The following MACROD2 variants were observed in gnomAD, a reference collection of about 807,000 sequenced individuals.
MACROD2 encodes ADP-ribose glycohydrolase MACROD2.
A neutral mutation model predicts 70.4 loss-of-function variants in MACROD2; 36 were observed. The observed-to-expected ratio is 0.51, with a 90% CI of 0.39 to 0.68. The LOEUF (loss-of-function observed/expected upper bound fraction) is 0.68, where lower values mean the gene tolerates loss of function less well. Among genes scored for constraint, MACROD2 ranks in the 30% least tolerant of loss-of-function variants. The pLI is 0.00. For missense variants in MACROD2, 496 were observed against 538.4 expected (o/e 0.92, Z 0.78); for synonymous variants, 172 against 178.8 (o/e 0.96, Z 0.30).
chr20:15,688,401 G>A (rs1172972048), intron 8 of MACROD2, among the ~76,000 whole-genome samples: 4 of 152,188 alleles, frequency 2.6e-5, no homozygotes, highest in African/African-American at 9.6e-5. Context: ...TATTGGAAAT[G>A]GGTCTTGAAG....
chr20:15,744,923 C>CT (rs1448081864), intron 8 of MACROD2, among the ~76,000 whole-genome samples: 2 of 147,096 alleles, frequency 1.4e-5, no homozygotes, highest in African/African-American at 5.2e-5. Flanking sequence ...AGTTGTATCT[C>CT]TTTTTGAAGT....
intron 8 of MACROD2, among the ~76,000 whole-genome samples, chr20:15,759,860 A>G (rs1056731264): frequency 2.6e-5 from 4 of 152,232 alleles, no homozygotes; most frequent in Non-Finnish European, 5.9e-5. Flanking sequence ...GGAGTTTTCT[A>G]TTACAGAACT....
chr20:14,129,324 C>T (rs367920002), intron 3 of MACROD2, among the ~76,000 whole-genome samples: 6 of 152,182 alleles, frequency 3.9e-5, no homozygotes, highest in South Asian at 2.1e-4. Context: ...TAGCAGATAT[C>T]GTGGAAATAG....
intron 4 of MACROD2, among the ~76,000 whole-genome samples, chr20:14,574,813 C>T (rs1287219582): frequency 2.0e-5 from 3 of 149,096 alleles, no homozygotes; most frequent in African/African-American, 2.5e-5. Flanking sequence ...AGATCGAGAC[C>T]ATCCTGGCTA....
intron 6 of MACROD2, among the ~76,000 whole-genome samples, chr20:15,403,809 A>G (rs966076314): frequency 6.6e-6 from 1 of 152,200 alleles, no homozygotes; most frequent in African/African-American, 2.4e-5. Flanking sequence ...AGGATGGCAG[A>G]CAGAAATAAG....
chr20:14,437,302 A>C (rs1236361215), intron 3 of MACROD2, among the ~76,000 whole-genome samples: 1 of 152,192 alleles, frequency 6.6e-6, no homozygotes, highest in East Asian at 1.9e-4. Context: ...TGTTTTAAAA[A>C]GGGTTTCTTG....
chr20:15,257,889 G>C (rs569589664), intron 6 of MACROD2, among the ~76,000 whole-genome samples: 9 of 152,148 alleles, frequency 5.9e-5, no homozygotes, highest in African/African-American at 1.9e-4. Flanking sequence ...TATCACAGGA[G>C]ATGACAGCTC....
chr20:15,867,577 T>C (rs2147173022), intron 9 of MACROD2, among the ~76,000 whole-genome samples: 1 of 152,290 alleles, frequency 6.6e-6, no homozygotes, highest in South Asian at 2.1e-4. Context: ...GTTCTTTACA[T>C]AAAAGTGCTT....
chr20:14,037,072 G>A (rs1468484953), intron 2 of MACROD2, among the ~76,000 whole-genome samples: 1 of 152,204 alleles, frequency 6.6e-6, no homozygotes, highest in African/African-American at 2.4e-5. Flanking sequence ...CGTGTCAGAT[G>A]TGGCATAACA....
At chr20:15,377,250 C>T (rs929127488) in intron 6 of MACROD2, among the ~76,000 whole-genome samples, 6 of 151,920 alleles carry the variant, frequency 3.9e-5, no homozygotes, top group African/African-American at 1.5e-4. Flanking sequence ...ATGTAAAACT[C>T]ATTTCTATTA....
intron 4 of MACROD2, among the ~76,000 whole-genome samples, chr20:14,528,962 C>T (rs2085270891): frequency 2.0e-5 from 3 of 152,126 alleles, no homozygotes; most frequent in Admixed American, 6.5e-5. Flanking sequence ...AGTATCTTTT[C>T]CTCCCATGCC....
intron 7 of MACROD2, among the ~76,000 whole-genome samples, chr20:15,488,572 A>T (rs1185482824): frequency 6.6e-6 from 1 of 152,204 alleles, no homozygotes; most frequent in Non-Finnish European, 1.5e-5. Context: ...CCCATAGTGC[A>T]GAGGAAGCCC....
intron 12 of MACROD2, among the ~76,000 whole-genome samples, chr20:15,942,126 T>C (rs1328492620): frequency 6.6e-6 from 1 of 152,182 alleles, no homozygotes; most frequent in South Asian, 2.1e-4. Flanking sequence ...CTAGACATAT[T>C]TTCCACTGGG....
intron 13 of MACROD2, among the ~76,000 whole-genome samples, chr20:15,977,007 C>T (rs77323955): frequency 0.012 from 1,769 of 152,288 alleles, 31 homozygotes; most frequent in African/African-American, 0.04. Context: ...TGGGGACCTG[C>T]TCATTCTTGA....
chr20:15,051,338 A>ATGTGTGTG (rs6147297), intron 5 of MACROD2, among the ~76,000 whole-genome samples: 9 of 129,444 alleles, frequency 7.0e-5, no homozygotes, highest in East Asian at 2.2e-4. Context: ...TCAGTAGGAG[A>ATGTGTGTG]TGTGTGTGTG....
In MACROD2 at chr20:15,196,310, T is replaced by C. The variant is rs771163580; in HGVS notation, c.419-33630T>C. Among the ~76,000 whole-genome samples, 93 of 150,896 alleles carry C rather than the reference T, an allele frequency of 6.2e-4. 1 individual carries two copies. Among genetic ancestry groups the C allele is most frequent in the Non-Finnish European group, 3.1e-4 (21 of 67,486 alleles). ...TTTCAAAAAAACTAAAAATATAACA[T>C]ACAAATATAACAAGAACATACAACA... On this transcript the variant is annotated intron_variant, in intron 5 of 17. Coordinates refer to ENST00000684519, the MANE Select transcript of MACROD2 (RefSeq NM_001351661.2).
intron 5 of MACROD2, among the ~76,000 whole-genome samples, chr20:15,118,342 G>A (rs1222379964): frequency 3.3e-5 from 5 of 152,010 alleles, no homozygotes; most frequent in South Asian, 4.2e-4. Context: ...ACAGGCATGC[G>A]CCACCACACC....
chr20:15,747,043 T>C (rs1304379945), intron 8 of MACROD2, among the ~76,000 whole-genome samples: 2 of 152,056 alleles, frequency 1.3e-5, no homozygotes, highest in Admixed American at 1.3e-4. Flanking sequence ...AACAAAAAGC[T>C]CCTTCTGTTT....
intron 5 of MACROD2, among the ~76,000 whole-genome samples, chr20:15,109,912 A>T (rs1176223779): frequency 1.3e-5 from 2 of 152,128 alleles, no homozygotes; most frequent in African/African-American, 4.8e-5. Flanking sequence ...GCCGTTTTGT[A>T]TTTGGGAGAT....
Sources: allele counts gnomAD v4.1 joint callset (sites outside exome capture counted in the v4.1 genomes callset), GRCh38; gene constraint gnomAD v4.1.1; transcripts MANE v1.5; gene names NCBI Gene and HGNC (gene_info 2026-07-23, HGNC 2026-07-21).